The following CLSTN2 variants were observed in gnomAD, a reference collection of about 807,000 sequenced individuals.
The protein encoded by CLSTN2 is calsyntenin 2, also known as calsyntenin-2.
CLSTN2 carries 48 observed loss-of-function variants against 101.2 expected under a neutral mutation model. The observed-to-expected ratio is 0.47, with a 90% CI of 0.38 to 0.60. The LOEUF is 0.60. Among genes scored for constraint, CLSTN2 ranks in the 20% least tolerant of loss-of-function variants. The pLI is 0.00. For synonymous variants in CLSTN2, 481 were observed against 463.6 expected (o/e 1.04, Z -0.48); for missense variants, 1,160 against 1,238.2 (o/e 0.94, Z 0.95).
At chr3:140,243,894 C>T (rs1426857027) in intron 2 of CLSTN2, among the ~76,000 whole-genome samples, 1 of 152,194 alleles carries the variant, frequency 6.6e-6, no homozygotes, top group African/African-American at 2.4e-5. Flanking sequence ...GAGAGATGCT[C>T]CACAGTCAGT....
chr3:140,498,434 T>C (rs1934510712), intron 8 of CLSTN2, among the ~76,000 whole-genome samples: 1 of 152,190 alleles, frequency 6.6e-6, no homozygotes, highest in South Asian at 2.1e-4. Flanking sequence ...GTATTTGCCA[T>C]GAAGGCAGCC....
At chr3:140,401,951 T>A (rs925644481) in intron 2 of CLSTN2, among the ~76,000 whole-genome samples, 1 of 152,194 alleles carries the variant, frequency 6.6e-6, no homozygotes, top group Non-Finnish European at 1.5e-5. Flanking sequence ...CTAGCCTTCT[T>A]ACTGGAACTG....
chr3:140,064,690 TAAG>T (rs1411334507), intron 1 of CLSTN2, among the ~76,000 whole-genome samples: 1 of 152,126 alleles, frequency 6.6e-6, no homozygotes, highest in Non-Finnish European at 1.5e-5. Flanking sequence ...CTGAGGAAAT[TAAG>T]AAGCAATAAG....
chr3:139,956,171 G>C (rs1406035572), intron 1 of CLSTN2, among the ~76,000 whole-genome samples: 1 of 152,194 alleles, frequency 6.6e-6, no homozygotes, highest in Non-Finnish European at 1.5e-5. Flanking sequence ...GTGGTATTAG[G>C]ACGTGAACCC....
At chr3:140,230,707 A>T (rs1248745498) in intron 2 of CLSTN2, among the ~76,000 whole-genome samples, 2 of 152,208 alleles carry the variant, frequency 1.3e-5, no homozygotes, top group Non-Finnish European at 2.9e-5. Context: ...GTAAGAAATA[A>T]ATTGATGCTG....
At chr3:140,384,036 C>T (rs756371478) in intron 2 of CLSTN2, among the ~76,000 whole-genome samples, 16 of 152,236 alleles carry the variant, frequency 1.1e-4, no homozygotes, top group Non-Finnish European at 1.6e-4. Context: ...TAATCTACAG[C>T]TCTTTCAAGT....
At chr3:140,286,986 C>T (rs764609027) in intron 2 of CLSTN2, among the ~76,000 whole-genome samples, 1 of 152,120 alleles carries the variant, frequency 6.6e-6, no homozygotes, top group Non-Finnish European at 1.5e-5. Context: ...AACAGGTTGG[C>T]TCAATCCACA....
At chr3:140,558,610 T>C in intron 11 of CLSTN2, 30 bp from the exon 12 acceptor site, 1 of 1,581,280 alleles carries the variant, frequency 6.3e-7, no homozygotes, top group South Asian at 1.1e-5. Flanking sequence ...TGTTTGCTCA[T>C]CAGTGCCATG....
At chr3:140,438,119 CT>C (rs2088706959) in intron 5 of CLSTN2, among the ~76,000 whole-genome samples, 1 of 152,110 alleles carries the variant, frequency 6.6e-6, no homozygotes, top group Non-Finnish European at 1.5e-5. Flanking sequence ...GTACAAAAGT[CT>C]TTGAATTTTG....
intron 4 of CLSTN2, among the ~76,000 whole-genome samples, chr3:140,414,158 C>T (rs1417389605): frequency 2.0e-5 from 3 of 151,994 alleles, no homozygotes. Context: ...CCAAAGACCC[C>T]ACCAAAGACT....
chr3:140,103,485 G>A (rs903967241), intron 1 of CLSTN2, among the ~76,000 whole-genome samples: 1 of 152,178 alleles, frequency 6.6e-6, no homozygotes, highest in Non-Finnish European at 1.5e-5. Flanking sequence ...TAGGCTTTTT[G>A]TGGCTTCATT....
intron 1 of CLSTN2, among the ~76,000 whole-genome samples, chr3:139,986,903 C>T (rs1936030464): frequency 6.6e-6 from 1 of 152,130 alleles, no homozygotes; most frequent in Admixed American, 6.5e-5. Context: ...GCCTGAGAAA[C>T]AGCGTTGGTA....
At chr3:140,456,613 C>T (rs941107347) in intron 6 of CLSTN2, among the ~76,000 whole-genome samples, 5 of 151,962 alleles carry the variant, frequency 3.3e-5, no homozygotes, top group Admixed American at 2.6e-4. Flanking sequence ...ATGGTGAAAC[C>T]CCATCTCTTC....
chr3:140,141,994 A>T (rs185658260), intron 1 of CLSTN2, among the ~76,000 whole-genome samples: 6 of 152,332 alleles, frequency 3.9e-5, no homozygotes, highest in Admixed American at 3.3e-4. Context: ...AAAAAATGGA[A>T]CTGTTCAACT....
chr3:140,038,980 T>C (rs752963451), intron 1 of CLSTN2, among the ~76,000 whole-genome samples: 1 of 152,190 alleles, frequency 6.6e-6, no homozygotes, highest in Non-Finnish European at 1.5e-5. Context: ...CTTGACTTCA[T>C]TGGTCTTGGC....
At position 140,466,669 on chromosome 3, in the gene CLSTN2, C is replaced by A. The variant is rs765719211; in HGVS notation, c.1282C>A (p.Arg428=). 1 of 1,614,150 alleles carries A rather than the reference C, an allele frequency of 6.2e-7. No homozygotes were observed. The highest frequency in any genetic ancestry group is 1.7e-4 in the Middle Eastern group (1 of 6,058). Residue 428 remains arginine (R), a synonymous_variant, in exon 8 of 17, where the codon CGG becomes AGG. Coordinates refer to ENST00000458420, the MANE Select transcript of CLSTN2 (RefSeq NM_022131.3). ...VHNCRLVFLL[R]KDFDQADTFR... is the part of the protein sequence containing the mutation. ...CAACTGCCGCCTCGTCTTTCTCTTG[C>A]GGAAGGACTTCGACCAGGCTGACAC... is the stretch of plus-strand genomic sequence containing the variant.
intron 5 of CLSTN2, among the ~76,000 whole-genome samples, chr3:140,430,759 A>G (rs2107997720): frequency 6.6e-6 from 1 of 152,382 alleles, no homozygotes; most frequent in East Asian, 1.9e-4. Flanking sequence ...AACAGTCCAA[A>G]GCAAAGTTCA....
At chr3:140,523,898 A>G (rs952212774) in intron 8 of CLSTN2, among the ~76,000 whole-genome samples, 2 of 152,120 alleles carry the variant, frequency 1.3e-5, no homozygotes, top group Admixed American at 6.5e-5. Flanking sequence ...CCTGCTACAA[A>G]TGGTCCTCTT....
At chr3:140,307,685 C>A (rs1300607393) in intron 2 of CLSTN2, among the ~76,000 whole-genome samples, 1 of 152,076 alleles carries the variant, frequency 6.6e-6, no homozygotes, top group Non-Finnish European at 1.5e-5. Flanking sequence ...TTGTTTCTTC[C>A]TCTTTATCTT....
Sources: gnomAD v4.1 joint callset for allele counts (sites outside exome capture counted in the v4.1 genomes callset) on GRCh38, gnomAD v4.1.1 for gene constraint, MANE v1.5 for transcripts, NCBI Gene and HGNC (gene_info 2026-07-23, HGNC 2026-07-21) for gene names.